Variants in RPH3AL observed in about 807,000 individuals in gnomAD.
The protein encoded by RPH3AL is rabphilin 3A like (without C2 domains).
RPH3AL carries 38 observed loss-of-function variants against 43.1 expected under a neutral mutation model. The ratio of observed to expected loss-of-function variants is 0.88; its 90% CI spans 0.68 to 1.15. The LOEUF (loss-of-function observed/expected upper bound fraction) is 1.15. RPH3AL is among the 50% of genes most tolerant of loss of function. The probability of loss-of-function intolerance (pLI) is 0.00; values close to 1 mark genes in which losing one functional copy is unlikely to be tolerated. For missense variants in RPH3AL, 462 were observed against 423.2 expected (o/e 1.09, Z -0.81); for synonymous variants, 189 against 176.3 (o/e 1.07, Z -0.57).
At chr17:278,453 G>C (rs2042708628) in intron 6 of RPH3AL, among the ~76,000 whole-genome samples, 1 of 152,082 alleles carries the variant, frequency 6.6e-6, no homozygotes, top group African/African-American at 2.4e-5. Flanking sequence ...AGTCACACTG[G>C]TCTCCTCGCT....
chr17:244,858 C>CGT (rs919837544), intron 7 of RPH3AL, among the ~76,000 whole-genome samples: 1 of 151,864 alleles, frequency 6.6e-6, no homozygotes, highest in Non-Finnish European at 1.5e-5. Context: ...TGTGGGCAAC[C>CGT]GTGTGTGTGC....
At chr17:332,906 G>T in intron 2 of RPH3AL, 1 of 791,360 alleles carries the variant, frequency 1.3e-6, no homozygotes, top group Non-Finnish European at 1.8e-6. Context: ...GTAAAACCCC[G>T]CAGTACAGGG....
intron 1 of RPH3AL, among the ~76,000 whole-genome samples, chr17:337,512 C>CA (rs2044991980): frequency 6.6e-6 from 1 of 152,232 alleles, no homozygotes; most frequent in Non-Finnish European, 1.5e-5. Flanking sequence ...ACGGACCCTC[C>CA]AGCCCCTGCT....
At chr17:305,550 G>A (rs1028995752) in intron 5 of RPH3AL, among the ~76,000 whole-genome samples, 7 of 152,108 alleles carry the variant, frequency 4.6e-5, no homozygotes, top group Non-Finnish European at 8.8e-5. Context: ...CCACACACAC[G>A]GCAGGTGCCC....
chr17:335,370 G>C (rs1005607696), intron 1 of RPH3AL, among the ~76,000 whole-genome samples: 11 of 152,256 alleles, frequency 7.2e-5, no homozygotes, highest in African/African-American at 2.6e-4. Flanking sequence ...ACGCCAGTTG[G>C]TGTCGGCCAC....
intron 5 of RPH3AL, among the ~76,000 whole-genome samples, chr17:313,720 C>T (rs1026220872): frequency 2.6e-5 from 4 of 152,206 alleles, no homozygotes; most frequent in Non-Finnish European, 5.9e-5. Context: ...GTGTCCATCT[C>T]GTTCACGGCG....
chr17:297,130 TG>T (rs2043203025), intron 5 of RPH3AL, among the ~76,000 whole-genome samples: 1 of 152,170 alleles, frequency 6.6e-6, no homozygotes, highest in South Asian at 2.1e-4. Context: ...CGTCGGGGCT[TG>T]GGGCGATTCC....
At chr17:265,092 T>C (rs1191081676) in intron 6 of RPH3AL, among the ~76,000 whole-genome samples, 2 of 152,144 alleles carry the variant, frequency 1.3e-5, no homozygotes, top group Non-Finnish European at 2.9e-5. Flanking sequence ...TTAAGAGACA[T>C]TTTTTCTTCT....
chr17:309,853 G>A (rs1380558513), intron 5 of RPH3AL, among the ~76,000 whole-genome samples: 1 of 152,142 alleles, frequency 6.6e-6, no homozygotes. Context: ...TTAGGGGAAA[G>A]GTCAGGTTCT....
At chr17:227,804 G>A (rs927058221) in intron 7 of RPH3AL, among the ~76,000 whole-genome samples, 4 of 152,192 alleles carry the variant, frequency 2.6e-5, no homozygotes, top group Non-Finnish European at 5.9e-5. Context: ...GGGAATTATA[G>A]AGGAAGAGAG....
chr17:238,666 C>T (rs1288674888), intron 7 of RPH3AL, among the ~76,000 whole-genome samples: 1 of 152,132 alleles, frequency 6.6e-6, no homozygotes, highest in Non-Finnish European at 1.5e-5. Context: ...CTCTGAGCTT[C>T]GTATTTTATG....
At chr17:326,111 G>A (rs943602963) in intron 3 of RPH3AL, among the ~76,000 whole-genome samples, 7 of 152,236 alleles carry the variant, frequency 4.6e-5, no homozygotes, top group Admixed American at 2.6e-4. Flanking sequence ...TACCCTGCCC[G>A]GGAGGACACT....
At chr17:262,788 G>A (rs28468376) in intron 6 of RPH3AL, among the ~76,000 whole-genome samples, 26,833 of 152,092 alleles carry the variant, frequency 0.18, 2,397 homozygotes, top group African/African-American at 0.21. Context: ...CCCTAAATCA[G>A]TGGAGAGTCA....
At chr17:240,561 G>A (rs983200294) in intron 7 of RPH3AL, among the ~76,000 whole-genome samples, 4 of 152,104 alleles carry the variant, frequency 2.6e-5, no homozygotes, top group Non-Finnish European at 5.9e-5. Context: ...GCGGCCTTTC[G>A]TCTCCGGCTT....
At chr17:351,963 G>A (rs1250652765) in intron 1 of RPH3AL, among the ~76,000 whole-genome samples, 9 of 152,182 alleles carry the variant, frequency 5.9e-5, no homozygotes, top group South Asian at 4.1e-4. Context: ...CTGCATGTGC[G>A]TACAGGCCGT....
rs2040790092 is a variant in RPH3AL at position 215,945 on chromosome 17, TCACCCACA to T, written c.728-151_728-144del. ...ATGGCTGCCAGGCTCTGGCCTGACCTCACCCACATGGCTGCCGGGCTCTGGCCTGACCC... is the reference window on the plus strand; with the variant it reads ...ATGGCTGCCAGGCTCTGGCCTGACCTTGGCTGCCGGGCTCTGGCCTGACCC... On this transcript the variant is annotated intron_variant, in intron 8 of 9. Transcript: ENST00000331302. This position sits in a 1 kb window ranked among gnomAD's most constrained non-coding sequence, Gnocchi z 4.1. 1 of 600,828 alleles carries T rather than the reference TCACCCACA, an allele frequency of 1.7e-6. No individual in the cohort carries two copies. The highest frequency in any genetic ancestry group is 2.2e-5 in the African/African-American group (1 of 46,428). The allele number at this position is 600,828 out of a possible 1,614,324, so 37.2% of individuals were successfully genotyped here.
In RPH3AL at chr17:246,142, C is replaced by T. The variant is rs1229554846; in HGVS notation, c.613+969G>A. ...ACTTTTGTAACAAGAAAAAACAGCCCGAATGACATAAAGATGGTCAGATGT... is the reference window on the plus strand; with the variant it reads ...ACTTTTGTAACAAGAAAAAACAGCCTGAATGACATAAAGATGGTCAGATGT... On this transcript the variant is annotated intron_variant, in intron 7 of 9. Coordinates refer to ENST00000331302, the MANE Select transcript of RPH3AL (RefSeq NM_006987.4). The surrounding 1 kb of genome is among the most constrained non-coding windows in gnomAD (Gnocchi z 4.8). 1.3e-5 allele frequency among the ~76,000 whole-genome samples: 2 copies of T among 152,132 alleles called. No homozygotes were observed. The highest frequency in any genetic ancestry group is 3.9e-4 in the East Asian group (2 of 5,192).
chr17:285,957 G>A (rs551662336), intron 5 of RPH3AL, among the ~76,000 whole-genome samples: 20 of 152,338 alleles, frequency 1.3e-4, no homozygotes, highest in East Asian at 1.9e-4. Context: ...CAGGCCTGGC[G>A]TGACAGGACA....
intron 5 of RPH3AL, among the ~76,000 whole-genome samples, chr17:317,502 A>T (rs2044315402): frequency 6.9e-6 from 1 of 145,146 alleles, no homozygotes; most frequent in Admixed American, 6.9e-5. Flanking sequence ...ATTGACCTGT[A>T]GTCCCTGTGC....
Sources: allele counts gnomAD v4.1 joint callset (sites outside exome capture counted in the v4.1 genomes callset), GRCh38; gene constraint gnomAD v4.1.1; non-coding constraint Gnocchi (gnomAD v3.1); transcripts MANE v1.5; gene names NCBI Gene and HGNC (gene_info 2026-07-23, HGNC 2026-07-21).